Variants in ATL2 observed in about 807,000 individuals in gnomAD.
ATL2 encodes atlastin-2.
Under a neutral mutation model 73.9 loss-of-function variants are expected in ATL2, and 31 were observed. The ratio of observed to expected loss-of-function variants is 0.42; its 90% CI spans 0.32 to 0.57. ATL2 has a LOEUF of 0.57. ATL2 is among the 20% of genes least tolerant of loss of function. The probability of loss-of-function intolerance (pLI) is 0.14; values close to 1 mark genes in which losing one functional copy is unlikely to be tolerated. For synonymous variants in ATL2, 291 were observed against 237.5 expected, an observed-to-expected ratio of 1.23 and a Z score of -2.07; for missense variants, 738 against 702.6, an observed-to-expected ratio of 1.05 and a Z score of -0.57.
rs900044971 is a variant in ATL2, at chr2:38,295,827, T to C, written c.*167A>G. ...GTCTTAGGAGCCATTAAAAGAATGCTTAAAACTAACAAACAATCTTCACAC... is the reference window on the plus strand; with the variant it reads ...GTCTTAGGAGCCATTAAAAGAATGCCTAAAACTAACAAACAATCTTCACAC... On this transcript the variant is annotated 3_prime_UTR_variant, in exon 13 of 13. Transcript: ENST00000378954. 1.4e-5 allele frequency: 8 copies of C among 584,936 alleles called. No individual in the cohort carries two copies. The East Asian group carries it at 2.4e-4, about 18-fold the overall frequency. The allele number at this position is 584,936 out of a possible 1,614,324, so 36.2% of individuals were successfully genotyped here. A position where few individuals can be genotyped will look rare whatever the true frequency, so the allele number is the denominator to read the frequency against.
upstream of ATL2, among the ~76,000 whole-genome samples, chr2:38,377,860 C>T (rs76409064): frequency 0.035 from 5,363 of 151,790 alleles, 129 homozygotes; most frequent in African/African-American, 0.061. Flanking sequence ...GCTTCCCCTC[C>T]CCCCCACCAT....
rs1043298381 is a variant in ATL2, at chr2:38,372,053, C to A, written c.118+5090G>T. Among the ~76,000 whole-genome samples the A allele has an allele frequency of 1.1e-4, 16 of 150,486 alleles. No homozygotes were observed. The South Asian group carries it at 3.1e-3, about 30-fold the overall frequency. On this transcript the variant is annotated intron_variant, in intron 1 of 12. Transcript: ENST00000378954. ...TCTAATCACTGTCCATGACTCTATT[C>A]TAAAGGATTAAATGAAGGGAAAAAT... is the stretch of plus-strand genomic sequence containing the variant.
chr2:38,335,464 C>T (rs1242412408), intron 2 of ATL2, among the ~76,000 whole-genome samples: 1 of 152,078 alleles, frequency 6.6e-6, no homozygotes, highest in Non-Finnish European at 1.5e-5. Context: ...AGCCTTAATG[C>T]TTAGTGAAAG....
intron 12 of ATL2, 47 bp downstream of exon 12, chr2:38,298,097 C>T (rs1234052143): frequency 6.6e-7 from 1 of 1,513,586 alleles, no homozygotes; most frequent in Non-Finnish European, 9.0e-7. Flanking sequence ...TGGAAAGTCA[C>T]AGGAAAATAA....
At chr2:38,312,603 G>A (rs1199031381) in intron 7 of ATL2, among the ~76,000 whole-genome samples, 3 of 151,982 alleles carry the variant, frequency 2.0e-5, no homozygotes, top group Admixed American at 6.6e-5. Context: ...CCCAGCTACG[G>A]GAGGCTGAGG....
Position 38,295,743 on chromosome 2 carries a change from A to G in ATL2, c.*251T>C. On this transcript the variant is annotated 3_prime_UTR_variant, in exon 13 of 13. Coordinates refer to ENST00000378954, the MANE Select transcript of ATL2 (RefSeq NM_001135673.4). ...CATTAGATTAAGTAAAAAGAAATAAAAGAGTTAAACATGGCACAAAGGTGC... is the reference window on the plus strand; with the variant it reads ...CATTAGATTAAGTAAAAAGAAATAAGAGAGTTAAACATGGCACAAAGGTGC... The G allele has an allele frequency of 3.5e-6, 1 of 289,348 alleles. No individual in the cohort carries two copies. 17.9% of individuals were successfully genotyped at this position (289,348 alleles called of 1,614,324 possible).
chr2:38,325,441 T>C (rs1401767155), intron 2 of ATL2, among the ~76,000 whole-genome samples: 1 of 152,034 alleles, frequency 6.6e-6, no homozygotes, highest in African/African-American at 2.4e-5. Flanking sequence ...GTTTAAGCAC[T>C]AAAAACCCTA....
At chr2:38,362,771 G>A (rs1317491016) in intron 1 of ATL2, among the ~76,000 whole-genome samples, 1 of 152,172 alleles carries the variant, frequency 6.6e-6, no homozygotes, top group Non-Finnish European at 1.5e-5. Context: ...CAGAGCAATA[G>A]AAAACATATG....
At chr2:38,352,887 G>C (rs890466331) in intron 1 of ATL2, among the ~76,000 whole-genome samples, 3 of 152,278 alleles carry the variant, frequency 2.0e-5, no homozygotes, top group Middle Eastern at 6.8e-3. Flanking sequence ...CACTAAGTTA[G>C]GGAGATTTCC....
At chr2:38,350,433 C>T (rs1301612633) in intron 1 of ATL2, among the ~76,000 whole-genome samples, 1 of 152,110 alleles carries the variant, frequency 6.6e-6, no homozygotes, top group African/African-American at 2.4e-5. Flanking sequence ...CCTGTGATTG[C>T]CAGGGGTTAG....
chr2:38,334,863 A>ATAT (rs1573511535), intron 2 of ATL2, among the ~76,000 whole-genome samples: 1 of 138,368 alleles, frequency 7.2e-6, no homozygotes, highest in East Asian at 2.0e-4. Flanking sequence ...ATATTTATAT[A>ATAT]TTATATAATA....
chr2:38,373,124 A>G (rs1671776487), intron 1 of ATL2, among the ~76,000 whole-genome samples: 1 of 152,174 alleles, frequency 6.6e-6, no homozygotes, highest in Non-Finnish European at 1.5e-5. Flanking sequence ...TCACTACCTT[A>G]TATGAGGGCT....
At chr2:38,336,651 G>GT (rs978610106) in intron 2 of ATL2, among the ~76,000 whole-genome samples, 1 of 152,166 alleles carries the variant, frequency 6.6e-6, no homozygotes, top group African/African-American at 2.4e-5. Flanking sequence ...TTACATAATA[G>GT]TTTTTAGAAT....
chr2:38,325,671 CACACACACACACACACACACACACCAGT>C lies in ATL2; in HGVS notation c.364-6680_364-6653del, dbSNP rs1558411853. ...ACACACACACACCAGTACACACACA[CACACACACACACACACACACACACCAGT>C]ACACACACACACACACACACACACA... On this transcript the variant is annotated intron_variant, in intron 2 of 12. Transcript: ENST00000378954. Among the ~76,000 whole-genome samples, 108 of 72,774 alleles carry C rather than the reference CACACACACACACACACACACACACCAGT, an allele frequency of 1.5e-3. 2 individuals carry two copies. The highest frequency in any genetic ancestry group is 3.4e-3 in the African/African-American group (26 of 7,748). 47.7% of individuals were successfully genotyped at this position (72,774 alleles called of 152,430 possible).
chr2:38,326,302 C>T (rs762231592), intron 2 of ATL2, among the ~76,000 whole-genome samples: 2 of 152,126 alleles, frequency 1.3e-5, no homozygotes, highest in African/African-American at 4.8e-5. Context: ...CTAAAAAACA[C>T]GTTAAACACA....
At chr2:38,367,974 T>C (rs13029787) in intron 1 of ATL2, among the ~76,000 whole-genome samples, 3 of 143,792 alleles carry the variant, frequency 2.1e-5, no homozygotes, top group South Asian at 2.2e-4. Context: ...TCGCTCTCTC[T>C]CCCAGTCTGG....
Position 38,296,053 on chromosome 2 carries a change from A to G in ATL2, c.1693T>C (p.Ser565Pro), listed in dbSNP as rs1446951969. The change falls in exon 13 of 13, where the codon TCT becomes CCT. Residue 565 changes from serine (S) to proline (P), a missense_variant. Physicochemically the swap from Ser to Pro is moderately conservative, Grantham distance 74 (BLOSUM62 -1). Transcript: ENST00000378954. Reference sequence around the variant, plus strand: ...TGGTCAGTCAGGCCTGCTTTGATAGAGTTTGTTACAGACTGCCTTATGTTT... The same window carrying G: ...TGGTCAGTCAGGCCTGCTTTGATAGGGTTTGTTACAGACTGCCTTATGTTT... ...EENIRQSVTN[S>P]IKAGLTDQVS... 1.3e-6 allele frequency: 2 copies of G among 1,551,758 alleles called. No homozygotes were observed. Among genetic ancestry groups the G allele is most frequent in the Middle Eastern group, 3.3e-4 (2 of 5,996 alleles).
chr2:38,328,352 A>G (rs568980478), intron 2 of ATL2, among the ~76,000 whole-genome samples: 84 of 152,344 alleles, frequency 5.5e-4, no homozygotes, highest in African/African-American at 2.0e-3. Context: ...AGTATATTTC[A>G]TCCAACAACA....
chr2:38,337,204 G>C (rs1054435857), intron 2 of ATL2, among the ~76,000 whole-genome samples: 9 of 151,978 alleles, frequency 5.9e-5, no homozygotes, highest in African/African-American at 1.9e-4. Context: ...AGTTGAGGTG[G>C]CCAGGCATGG....
Sources: gnomAD v4.1 joint callset for allele counts (sites outside exome capture counted in the v4.1 genomes callset) on GRCh38, gnomAD v4.1.1 for gene constraint, MANE v1.5 for transcripts, NCBI Gene and HGNC (gene_info 2026-07-23, HGNC 2026-07-21) for gene names.